Variants in SPOCK1 observed in about 807,000 individuals in gnomAD.
SPOCK1 encodes testican-1.
SPOCK1 carries 23 observed loss-of-function variants against 55.3 expected under a neutral mutation model. The ratio of observed to expected loss-of-function variants is 0.42; its 90% CI spans 0.30 to 0.59. SPOCK1 has a LOEUF of 0.59. Among genes scored for constraint, SPOCK1 ranks in the 20% least tolerant of loss-of-function variants. The pLI, the probability that SPOCK1 is intolerant of heterozygous loss-of-function variation, is 0.22. For missense variants in SPOCK1, 499 were observed against 552.5 expected (o/e 0.90, Z 0.97); for synonymous variants, 226 against 221.0 (o/e 1.02, Z -0.20).
At chr5:137,208,666 T>C (rs1448038176) in intron 3 of SPOCK1, among the ~76,000 whole-genome samples, 1 of 152,058 alleles carries the variant, frequency 6.6e-6, no homozygotes, top group African/African-American at 2.4e-5. Context: ...TGGGTACTCA[T>C]GGATGCAAAG....
intron 2 of SPOCK1, among the ~76,000 whole-genome samples, chr5:137,356,873 A>AGAGAGAGAGAGAGAGAGTGT (rs796667572): frequency 1.4e-5 from 1 of 69,824 alleles, no homozygotes; most frequent in African/African-American, 7.3e-5. Context: ...AGAGAGAGAG[A>AGAGAGAGAGAGAGAGAGTGT]GAGTATGCAG....
chr5:137,191,940 G>T (rs1009187211), intron 3 of SPOCK1, among the ~76,000 whole-genome samples: 1 of 151,994 alleles, frequency 6.6e-6, no homozygotes, highest in Non-Finnish European at 1.5e-5. Context: ...AAAAACAAGC[G>T]GCCAGGCGCA....
At chr5:137,083,770 C>A (rs1471416815) in intron 5 of SPOCK1, among the ~76,000 whole-genome samples, 2 of 152,068 alleles carry the variant, frequency 1.3e-5, no homozygotes, top group Non-Finnish European at 2.9e-5. Context: ...CAATACCCAG[C>A]CTATGGAGGG....
chr5:137,481,776 T>C (rs1259883262), intron 2 of SPOCK1, among the ~76,000 whole-genome samples: 1 of 152,174 alleles, frequency 6.6e-6, no homozygotes, highest in Non-Finnish European at 1.5e-5. Flanking sequence ...CAAGCTGCGG[T>C]AAGTGAGCAG....
chr5:137,390,987 C>T (rs1751709695), intron 2 of SPOCK1, among the ~76,000 whole-genome samples: 3 of 152,080 alleles, frequency 2.0e-5, no homozygotes. Flanking sequence ...TTTGCTGCAC[C>T]CATCAACCCG....
chr5:137,076,633 G>A (rs1752769764), intron 5 of SPOCK1, among the ~76,000 whole-genome samples: 2 of 147,986 alleles, frequency 1.4e-5, no homozygotes, highest in African/African-American at 5.0e-5. Flanking sequence ...AAAAAAGAAT[G>A]GTTGACGGGT....
chr5:137,411,071 C>T (rs1371141597), intron 2 of SPOCK1, among the ~76,000 whole-genome samples: 1 of 152,138 alleles, frequency 6.6e-6, no homozygotes, highest in Non-Finnish European at 1.5e-5. Flanking sequence ...TTACTTGGCA[C>T]CCTCTTACGG....
intron 6 of SPOCK1, among the ~76,000 whole-genome samples, chr5:137,015,785 C>T (rs533046857): frequency 1.1e-4 from 16 of 152,308 alleles, no homozygotes; most frequent in African/African-American, 3.8e-4. Context: ...CTGTGGCCTG[C>T]CCCTCTGGAG....
intron 6 of SPOCK1, among the ~76,000 whole-genome samples, chr5:137,038,227 C>T (rs1751923735): frequency 1.3e-5 from 2 of 152,170 alleles, no homozygotes; most frequent in Non-Finnish European, 2.9e-5. Flanking sequence ...CATGAAAGAC[C>T]TTACTGGATG....
At position 137,498,538 on chromosome 5, in the gene SPOCK1, C is replaced by T. The variant is rs1284786185; in HGVS notation, c.21G>A (p.Leu7=). The change falls in exon 2 of 11, where the codon TTG becomes TTA. Residue 7 remains leucine, a synonymous_variant. Coordinates refer to ENST00000394945, the MANE Select transcript of SPOCK1 (RefSeq NM_004598.4). The part of the protein sequence containing the change: MPAIAV[L]AAAAAAWCFL... ...AGCACCACGCCGCGGCGGCCGCCGC[C>T]AACACCGCGATCGCCGGCATCTGCG... The T allele has an allele frequency of 6.5e-7, 1 of 1,536,354 alleles. No individual in the cohort carries two copies. The highest frequency in any genetic ancestry group is 2.0e-5 in the Admixed American group (1 of 51,038).
At chr5:137,469,563 T>C (rs1753689521) in intron 2 of SPOCK1, among the ~76,000 whole-genome samples, 2 of 152,334 alleles carry the variant, frequency 1.3e-5, no homozygotes, top group Middle Eastern at 3.4e-3. Context: ...TAGGTTTCTT[T>C]AACTATAGAA....
In SPOCK1 at chr5:137,376,784, T is replaced by C. The variant is rs555762408; in HGVS notation, c.187-109729A>G. Among the ~76,000 whole-genome samples, 76 of 152,056 alleles carry C rather than the reference T, an allele frequency of 5.0e-4. 1 individual carries two copies. Among genetic ancestry groups the C allele is most frequent in the African/African-American group, 1.8e-3 (73 of 41,322 alleles). ...CTCTCTGCAAGCTGTCTCCAACCTTTGTCTATATAGATGCATAGAAAAAAA... is the reference window on the plus strand; with the variant it reads ...CTCTCTGCAAGCTGTCTCCAACCTTCGTCTATATAGATGCATAGAAAAAAA... On this transcript the variant is annotated intron_variant, in intron 2 of 10. Coordinates refer to ENST00000394945, the MANE Select transcript of SPOCK1 (RefSeq NM_004598.4).
At chr5:137,362,593 G>A (rs990662295) in intron 2 of SPOCK1, among the ~76,000 whole-genome samples, 3 of 152,008 alleles carry the variant, frequency 2.0e-5, no homozygotes, top group Admixed American at 6.6e-5. Flanking sequence ...CTCCCAAAGC[G>A]CTGAGATTAT....
chr5:137,412,709 G>T (rs929163630), intron 2 of SPOCK1, among the ~76,000 whole-genome samples: 6 of 152,096 alleles, frequency 3.9e-5, no homozygotes, highest in African/African-American at 1.4e-4. Context: ...TCTTCACCTG[G>T]GCCTGTGATC....
At chr5:137,398,447 G>A (rs963993222) in intron 2 of SPOCK1, among the ~76,000 whole-genome samples, 1 of 152,050 alleles carries the variant, frequency 6.6e-6, no homozygotes, top group African/African-American at 2.4e-5. Flanking sequence ...ATCTGGCCTT[G>A]GATCATTAAC....
intron 2 of SPOCK1, among the ~76,000 whole-genome samples, chr5:137,438,650 GCACA>G (rs3072679): frequency 1.3e-5 from 2 of 150,692 alleles, no homozygotes; most frequent in Admixed American, 6.6e-5. Flanking sequence ...ATTTGCATAT[GCACA>G]CACACACACA....
At chr5:137,283,652 T>C (rs563650800) in intron 2 of SPOCK1, among the ~76,000 whole-genome samples, 17 of 151,050 alleles carry the variant, frequency 1.1e-4, no homozygotes, top group African/African-American at 3.7e-4. Flanking sequence ...GAGGTGGAGG[T>C]TGAAGTGAGC....
chr5:137,020,912 G>A (rs923193493), intron 6 of SPOCK1, among the ~76,000 whole-genome samples: 2 of 152,112 alleles, frequency 1.3e-5, no homozygotes, highest in Admixed American at 6.5e-5. Context: ...AAGTGTTGGT[G>A]AGGATGTGAA....
At chr5:137,330,387 G>A (rs1027001510) in intron 2 of SPOCK1, among the ~76,000 whole-genome samples, 1 of 152,118 alleles carries the variant, frequency 6.6e-6, no homozygotes, top group African/African-American at 2.4e-5. Context: ...TTAGGATAAG[G>A]CCAGTTTAAT....
Sources: gnomAD v4.1 joint callset for allele counts (sites outside exome capture counted in the v4.1 genomes callset) on GRCh38, gnomAD v4.1.1 for gene constraint, MANE v1.5 for transcripts, NCBI Gene and HGNC (gene_info 2026-07-23, HGNC 2026-07-21) for gene names.